ZBTB8B: variants seen among roughly 807,000 people sequenced by gnomAD.
ZBTB8B encodes zinc finger and BTB domain-containing protein 8B.
In ZBTB8B, 17 loss-of-function variants were observed where a neutral mutation model predicts 30.3. That is an observed-to-expected ratio of 0.56 (90% confidence interval 0.38 to 0.84). The LOEUF is 0.84. ZBTB8B is among the 40% of genes least tolerant of loss of function. ZBTB8B has a pLI of 0.00. For synonymous variants in ZBTB8B, 248 were observed against 255.6 expected (o/e 0.97, Z 0.28); for missense variants, 515 against 644.9 (o/e 0.80, Z 2.18).
chr1:32,479,216 G>T (rs1643685931), intron 2 of ZBTB8B, among the ~76,000 whole-genome samples: 1 of 152,074 alleles, frequency 6.6e-6, no homozygotes. Flanking sequence ...AAATATTGAA[G>T]GGCATGGATA....
At chr1:32,469,449 T>C (rs1643599223) in intron 1 of ZBTB8B, among the ~76,000 whole-genome samples, 1 of 151,940 alleles carries the variant, frequency 6.6e-6, no homozygotes, top group Non-Finnish European at 1.5e-5. Context: ...GAGATGGGGT[T>C]TTGCCATGTT....
chr1:32,470,138 C>T (rs1557680524), intron 1 of ZBTB8B, among the ~76,000 whole-genome samples: 4 of 152,184 alleles, frequency 2.6e-5, no homozygotes, highest in African/African-American at 9.7e-5. Context: ...TCCCAAAGTG[C>T]TGGGAAGCCC....
chr1:32,482,543 C>T (rs1643713192), intron 3 of ZBTB8B, among the ~76,000 whole-genome samples: 1 of 151,406 alleles, frequency 6.6e-6, no homozygotes, highest in African/African-American at 2.4e-5. Context: ...TGGTGGTGTG[C>T]ATCTGTAGTC....
At position 32,484,646 on chromosome 1, in the gene ZBTB8B, G is replaced by A. The variant is rs1643730335; in HGVS notation, c.1171-455G>A. Among the ~76,000 whole-genome samples, 1 of 152,158 alleles carries A rather than the reference G, an allele frequency of 6.6e-6. No individual in the cohort carries two copies. The highest frequency in any genetic ancestry group is 1.5e-5 in the Non-Finnish European group (1 of 68,026). ...GGGAGGTGGTTGCATCATGGGGGCA[G>A]TTTCTCATGGTTTAACGCCATCCCT... On this transcript the variant is annotated intron_variant, in intron 3 of 3. Transcript: ENST00000609129. This position sits in a 1 kb window ranked among gnomAD's most constrained non-coding sequence, Gnocchi z 4.5.
intron 2 of ZBTB8B, among the ~76,000 whole-genome samples, chr1:32,476,120 G>A (rs1643663441): frequency 6.6e-6 from 1 of 151,398 alleles, no homozygotes; most frequent in Non-Finnish European, 1.5e-5. Flanking sequence ...GCCTGGCCAG[G>A]TTTGTTTTGT....
At chr1:32,474,377 A>AAAAAAAAAAAAAG in intron 2 of ZBTB8B, among the ~76,000 whole-genome samples, 1 of 137,834 alleles carries the variant, frequency 7.3e-6, no homozygotes, top group Non-Finnish European at 1.6e-5. Context: ...AAAAAAAAAA[A>AAAAAAAAAAAAAG]AAAAATTGAA....
intron 2 of ZBTB8B, 91 bp from the exon 3 acceptor site, chr1:32,480,800 A>C: frequency 1.6e-6 from 2 of 1,282,712 alleles, no homozygotes; most frequent in Non-Finnish European, 1.1e-6. Context: ...GGGCTGGTGG[A>C]ATTCCCCAGC....
In ZBTB8B at chr1:32,495,192, A is replaced by C. The variant is rs1281795479; in HGVS notation, c.*9774A>C. The stretch of plus-strand genomic sequence containing the variant: ...GAAAACCACATATTTTTAAGTCAGC[A>C]GCCCACATGATAAGATGGTATTGAG... On this transcript the variant is annotated 3_prime_UTR_variant, in exon 4 of 4. Transcript: ENST00000609129. The C allele has an allele frequency of 1.3e-5, 2 of 152,230 alleles. No homozygotes were observed. The highest frequency in any genetic ancestry group is 2.9e-5 in the Non-Finnish European group (2 of 68,050). 9.4% of individuals were successfully genotyped at this position (152,230 alleles called of 1,614,324 possible). A position where few individuals can be genotyped will look rare whatever the true frequency, so the allele number is the denominator to read the frequency against.
At chr1:32,473,064 G>T (rs1011504912) in intron 2 of ZBTB8B, among the ~76,000 whole-genome samples, 1 of 152,232 alleles carries the variant, frequency 6.6e-6, no homozygotes, top group Non-Finnish European at 1.5e-5. Flanking sequence ...CTCTTAACAG[G>T]TGAGGTAATT....
At chr1:32,475,816 G>GTTT (rs1331933358) in intron 2 of ZBTB8B, among the ~76,000 whole-genome samples, 4 of 125,838 alleles carry the variant, frequency 3.2e-5, no homozygotes, top group Admixed American at 8.1e-5. Flanking sequence ...AAGAGGGGAG[G>GTTT]TTTTTTTTTT....
At position 32,495,077 on chromosome 1, in the gene ZBTB8B, T is replaced by A. The variant is rs540414246; in HGVS notation, c.*9659T>A. The A allele has an allele frequency of 6.6e-6, 1 of 152,354 alleles. No homozygotes were observed. The allele number at this position is 152,354 out of a possible 1,614,324, so 9.4% of individuals were successfully genotyped here. A position where few individuals can be genotyped will look rare whatever the true frequency, so the allele number is the denominator to read the frequency against. ...TTCCAAAGTGCTGAGATTACAGGTG[T>A]GAGCCACCATGTCCGGCCTCTAACT... On this transcript the variant is annotated 3_prime_UTR_variant, in exon 4 of 4. Transcript: ENST00000609129.
At chr1:32,482,549 T>C (rs1395947238) in intron 3 of ZBTB8B, among the ~76,000 whole-genome samples, 2 of 151,130 alleles carry the variant, frequency 1.3e-5, no homozygotes, top group East Asian at 2.0e-4. Context: ...TGTGCATCTG[T>C]AGTCCCAGCT....
In ZBTB8B at chr1:32,495,429, A is replaced by T. The variant is rs1643810236; in HGVS notation, c.*10011A>T. The T allele has an allele frequency of 6.6e-6, 1 of 152,220 alleles. No individual in the cohort carries two copies. The highest frequency in any genetic ancestry group is 6.5e-5 in the Admixed American group (1 of 15,272). The allele number at this position is 152,220 out of a possible 1,614,324, so 9.4% of individuals were successfully genotyped here. The stretch of plus-strand genomic sequence containing the variant: ...TAAAATTAACTTAGGGCCATCAAAA[A>T]TGCAAATTATCTTTAATTTGGTTAA... On this transcript the variant is annotated 3_prime_UTR_variant, in exon 4 of 4. Transcript: ENST00000609129.
chr1:32,468,735 C>A (rs1038492343), intron 1 of ZBTB8B, among the ~76,000 whole-genome samples: 2 of 152,104 alleles, frequency 1.3e-5, no homozygotes, highest in African/African-American at 4.8e-5. Flanking sequence ...GTGGCATACA[C>A]CTGTAATCCC....
chr1:32,476,217 C>G (rs572035570), intron 2 of ZBTB8B, among the ~76,000 whole-genome samples: 3 of 152,002 alleles, frequency 2.0e-5, no homozygotes, highest in Non-Finnish European at 4.4e-5. Context: ...CTCACTGCAG[C>G]CTCGACCTCC....
intron 1 of ZBTB8B, among the ~76,000 whole-genome samples, chr1:32,468,126 AAAT>A (rs773774287): frequency 4.6e-5 from 7 of 151,788 alleles, no homozygotes; most frequent in Non-Finnish European, 8.8e-5. Context: ...CCATCTCAAA[AAAT>A]AATAATAATA....
intron 2 of ZBTB8B, among the ~76,000 whole-genome samples, chr1:32,472,190 T>C (rs1360648924): frequency 2.0e-5 from 3 of 152,226 alleles, no homozygotes; most frequent in Non-Finnish European, 4.4e-5. Context: ...GCATTATTTC[T>C]TCATGTATGT....
rs57001984 is a variant in ZBTB8B at position 32,474,343 on chromosome 1, C to CAAAAAAAAAAAAA, written c.991+2755_991+2767dup. 6.1e-4 allele frequency among the ~76,000 whole-genome samples: 24 copies of CAAAAAAAAAAAAA among 39,172 alleles called. 1 individual carries two copies. Among genetic ancestry groups the CAAAAAAAAAAAAA allele is most frequent in the South Asian group, 1.5e-3 (1 of 662 alleles). The allele number at this position is 39,172 out of a possible 152,430, so 25.7% of individuals were successfully genotyped here. On this transcript the variant is annotated intron_variant, in intron 2 of 3. Coordinates refer to ENST00000609129, the MANE Select transcript of ZBTB8B (RefSeq NM_001145720.2). ...GCAAGATGGCAAAACCCCATCTCTA[C>CAAAAAAAAAAAAA]AAAAAAAAAAAAAAAAAAAAAAAAA...
At chr1:32,466,785 A>G (rs977807681) in intron 1 of ZBTB8B, among the ~76,000 whole-genome samples, 3 of 152,182 alleles carry the variant, frequency 2.0e-5, no homozygotes, top group East Asian at 1.9e-4. Context: ...AAGAGCCCCT[A>G]TAGATCAGAC....
Sources: allele counts gnomAD v4.1 joint callset (sites outside exome capture counted in the v4.1 genomes callset), GRCh38; gene constraint gnomAD v4.1.1; non-coding constraint Gnocchi (gnomAD v3.1); transcripts MANE v1.5; gene names NCBI Gene and HGNC (gene_info 2026-07-23, HGNC 2026-07-21).